The following WDR64 variants were observed in gnomAD, a reference collection of about 807,000 sequenced individuals.
WDR64 encodes WD repeat domain 64.
Under a neutral mutation model 139.3 loss-of-function variants are expected in WDR64, and 112 were observed. That is an observed-to-expected ratio of 0.80 (90% CI 0.69 to 0.94). The LOEUF (loss-of-function observed/expected upper bound fraction) is 0.94, where lower values mean the gene tolerates loss of function less well. Among genes scored for constraint, WDR64 ranks in the 40% least tolerant of loss-of-function variants. WDR64 has a pLI of 0.00. For missense variants in WDR64, 1,206 were observed against 1,293.1 expected (o/e 0.93, Z 1.03); for synonymous variants, 444 against 437.7 (o/e 1.01, Z -0.18).
At chr1:241,733,882 G>T (rs540891868) in intron 10 of WDR64, among the ~76,000 whole-genome samples, 79 of 152,076 alleles carry the variant, frequency 5.2e-4, no homozygotes, top group African/African-American at 1.9e-3. Flanking sequence ...CTCCACTTCT[G>T]TCCTCCCAAG....
chr1:241,675,223 T>TTCCTTCCTCCCTCCTCCCTCCC (rs1666495362), intron 4 of WDR64, among the ~76,000 whole-genome samples: 1 of 74,510 alleles, frequency 1.3e-5, no homozygotes, highest in Non-Finnish European at 2.6e-5. Context: ...CCCTCCCTTC[T>TTCCTTCCTCCCTCCTCCCTCCC]TCCTTCCTCC....
chr1:241,687,771 C>A (rs1047675317), intron 8 of WDR64, among the ~76,000 whole-genome samples, 176 bp downstream of exon 8: 1 of 152,166 alleles, frequency 6.6e-6, no homozygotes, highest in East Asian at 1.9e-4. Context: ...GCCACTTATG[C>A]AAATTTGAAC....
chr1:241,681,830 A>G (rs1666804181), intron 6 of WDR64, among the ~76,000 whole-genome samples: 2 of 152,110 alleles, frequency 1.3e-5, no homozygotes, highest in African/African-American at 4.8e-5. Flanking sequence ...CAGGAGTAAG[A>G]TGGTATCATA....
intron 16 of WDR64, among the ~76,000 whole-genome samples, chr1:241,767,622 A>T (rs1156310611): frequency 6.6e-6 from 1 of 152,210 alleles, no homozygotes; most frequent in Non-Finnish European, 1.5e-5. Flanking sequence ...GGACAGGAGA[A>T]AAGGAGAGGA....
chr1:241,765,179 C>T (rs1377038386), intron 15 of WDR64, among the ~76,000 whole-genome samples: 1 of 100,110 alleles, frequency 1.0e-5, no homozygotes, highest in Non-Finnish European at 2.3e-5. Flanking sequence ...AGAGGGAGAT[C>T]TGTCTCTGAA....
chr1:241,696,935 G>T (rs541661538), intron 8 of WDR64, among the ~76,000 whole-genome samples: 67 of 152,264 alleles, frequency 4.4e-4, no homozygotes, highest in African/African-American at 1.5e-3. Context: ...AGATGGATTT[G>T]CTCTGGTTCA....
intron 25 of WDR64, among the ~76,000 whole-genome samples, chr1:241,793,364 G>A (rs910609342): frequency 1.1e-4 from 17 of 152,106 alleles, no homozygotes; most frequent in African/African-American, 3.9e-4. Flanking sequence ...TGTAAAACAC[G>A]GCAGCAGATC....
chr1:241,756,784 T>A (rs1212765466), intron 14 of WDR64, among the ~76,000 whole-genome samples: 3 of 152,190 alleles, frequency 2.0e-5, no homozygotes, highest in Non-Finnish European at 4.4e-5. Context: ...GCCACCTGTC[T>A]GTAAAGGAAA....
chr1:241,699,320 G>A (rs997438572), intron 8 of WDR64, among the ~76,000 whole-genome samples: 2 of 152,146 alleles, frequency 1.3e-5, no homozygotes, highest in African/African-American at 2.4e-5. Context: ...CAAAACTACA[G>A]AAATAATTCC....
chr1:241,686,946 GC>G (rs773994747), intron 7 of WDR64, among the ~76,000 whole-genome samples: 1 of 152,106 alleles, frequency 6.6e-6, no homozygotes, highest in Non-Finnish European at 1.5e-5. Context: ...TGAATTCACA[GC>G]TCAAATTTTG....
intron 15 of WDR64, among the ~76,000 whole-genome samples, chr1:241,763,677 C>T (rs1372330933): frequency 6.6e-6 from 1 of 152,126 alleles, no homozygotes; most frequent in Non-Finnish European, 1.5e-5. Context: ...TGCACTCCAG[C>T]CTTGGCAACA....
At chr1:241,776,229 C>T (rs1411211950) in intron 21 of WDR64, among the ~76,000 whole-genome samples, 2 of 152,014 alleles carry the variant, frequency 1.3e-5, no homozygotes, top group African/African-American at 2.4e-5. Flanking sequence ...CAGGCATGCA[C>T]CACCACGCCC....
At chr1:241,766,834 TA>T (rs1449756895) in intron 16 of WDR64, among the ~76,000 whole-genome samples, 1 of 152,174 alleles carries the variant, frequency 6.6e-6, no homozygotes. Context: ...CCCAGGATGA[TA>T]TAAGTAAGGT....
intron 10 of WDR64, among the ~76,000 whole-genome samples, chr1:241,724,163 T>TA (rs1205067011): frequency 6.6e-6 from 1 of 152,138 alleles, no homozygotes; most frequent in Non-Finnish European, 1.5e-5. Context: ...TTAAGGGACA[T>TA]ACTATGTTCC....
chr1:241,653,117 G>A (rs1359509356), intron 1 of WDR64, among the ~76,000 whole-genome samples: 1 of 152,224 alleles, frequency 6.6e-6, no homozygotes, highest in African/African-American at 2.4e-5. Context: ...TGCAAGCTAA[G>A]GAGAATATGG....
intron 9 of WDR64, among the ~76,000 whole-genome samples, chr1:241,717,123 A>T (rs756041144): frequency 5.9e-5 from 9 of 152,166 alleles, no homozygotes; most frequent in Non-Finnish European, 1.0e-4. Context: ...GACAATTCCC[A>T]ATGAAAAGCA....
At position 241,656,343 on chromosome 1, in the gene WDR64, T is replaced by G. The variant is rs12065123; in HGVS notation, c.145+3714T>G. 7.9e-3 allele frequency among the ~76,000 whole-genome samples: 1,200 copies of G among 152,314 alleles called. 12 individuals carry two copies. Among genetic ancestry groups the G allele is most frequent in the African/African-American group, 0.027 (1,135 of 41,558 alleles). On this transcript the variant is annotated intron_variant, in intron 1 of 27. Coordinates refer to ENST00000437684, the MANE Select transcript of WDR64 (RefSeq NM_001367482.1). This position sits in a 1 kb window ranked among gnomAD's most constrained non-coding sequence, Gnocchi z 4.3. ...GCCTCAGAAATGATATCAAGTAGAT[T>G]GAAGGAATTTGTTCAAAAGTAATGC... is the stretch of plus-strand genomic sequence containing the variant.
At chr1:241,766,783 A>G (rs1327948693) in intron 16 of WDR64, among the ~76,000 whole-genome samples, 3 of 151,838 alleles carry the variant, frequency 2.0e-5, no homozygotes, top group African/African-American at 7.3e-5. Flanking sequence ...GCGTTCCTGG[A>G]AGTTATATTC....
In WDR64 at chr1:241,680,821, A is replaced by C. The variant is rs76716181; in HGVS notation, c.624+1226A>C. On this transcript the variant is annotated intron_variant, in intron 6 of 27. Coordinates refer to ENST00000437684, the MANE Select transcript of WDR64 (RefSeq NM_001367482.1). ...CATCAATCTCTTTCTGGCTCTAACC[A>C]GCTCACTGGCCCATTTCTTGTAAGT... Among the ~76,000 whole-genome samples, 1,101 of 143,182 alleles carry C rather than the reference A, an allele frequency of 7.7e-3. 14 individuals carry two copies. Among genetic ancestry groups the C allele is most frequent in the Middle Eastern group, 0.029 (8 of 280 alleles). 93.9% of individuals were successfully genotyped at this position (143,182 alleles called of 152,430 possible). A position where few individuals can be genotyped will look rare whatever the true frequency, so the allele number is the denominator to read the frequency against.
Sources: allele counts gnomAD v4.1 joint callset (sites outside exome capture counted in the v4.1 genomes callset), GRCh38; gene constraint gnomAD v4.1.1; non-coding constraint Gnocchi (gnomAD v3.1); transcripts MANE v1.5; gene names NCBI Gene and HGNC (gene_info 2026-07-23, HGNC 2026-07-21).